PTPRQ: variants seen among roughly 807,000 people sequenced by gnomAD.
PTPRQ encodes the protein phosphatidylinositol phosphatase PTPRQ.
Under a neutral mutation model 246.0 loss-of-function variants are expected in PTPRQ, and 199 were observed. The observed-to-expected ratio is 0.81, with a 90% CI of 0.72 to 0.91. The LOEUF (loss-of-function observed/expected upper bound fraction) is 0.91. Among genes scored for constraint, PTPRQ ranks in the 40% least tolerant of loss-of-function variants. The probability of loss-of-function intolerance (pLI) is 0.00; values close to 1 mark genes in which losing one functional copy is unlikely to be tolerated. For missense variants in PTPRQ, 2,624 were observed against 2,528.4 expected (o/e 1.04, Z -0.81); for synonymous variants, 869 against 853.2 (o/e 1.02, Z -0.32).
intron 8 of PTPRQ, among the ~76,000 whole-genome samples, chr12:80,479,937 C>G (rs1249428383): frequency 6.6e-6 from 1 of 151,550 alleles, no homozygotes; most frequent in South Asian, 2.1e-4. Flanking sequence ...GACTTTAACA[C>G]CCCACTGTCA....
chr12:80,638,492 A>G (rs1899739814), intron 35 of PTPRQ, among the ~76,000 whole-genome samples: 1 of 152,198 alleles, frequency 6.6e-6, no homozygotes, highest in Non-Finnish European at 1.5e-5. Context: ...AGGCAAAAAT[A>G]AAACAAAAAA....
intron 25 of PTPRQ, among the ~76,000 whole-genome samples, chr12:80,571,506 C>G (rs936471658): frequency 6.6e-6 from 1 of 152,160 alleles, no homozygotes; most frequent in Non-Finnish European, 1.5e-5. Flanking sequence ...TTTCTGTTTT[C>G]TTAATGGCAC....
chr12:80,465,693 G>C (rs1893375229), intron 6 of PTPRQ, among the ~76,000 whole-genome samples: 1 of 152,034 alleles, frequency 6.6e-6, no homozygotes, highest in African/African-American at 2.4e-5. Flanking sequence ...ATGCAAGGCT[G>C]GTTCAATATA....
intron 33 of PTPRQ, among the ~76,000 whole-genome samples, chr12:80,630,597 T>C (rs1899391513): frequency 6.6e-6 from 1 of 152,208 alleles, no homozygotes; most frequent in Admixed American, 6.5e-5. Flanking sequence ...GTATAATCTA[T>C]ACAGCGATAT....
chr12:80,449,180 G>T (rs1892657523), intron 3 of PTPRQ, among the ~76,000 whole-genome samples: 1 of 151,374 alleles, frequency 6.6e-6, no homozygotes, highest in Non-Finnish European at 1.5e-5. Flanking sequence ...CTTCTTTTGA[G>T]AAGTGTCTGT....
chr12:80,644,140 A>G (rs889714712), intron 35 of PTPRQ, among the ~76,000 whole-genome samples: 1 of 152,184 alleles, frequency 6.6e-6, no homozygotes. Context: ...ATGGTCTTCA[A>G]TCACCACTGC....
Position 80,495,267 on chromosome 12 carries a change from A to G in PTPRQ, c.1778A>G (p.Glu593Gly), listed in dbSNP as rs1261321277. 2 of 1,546,426 alleles carry G rather than the reference A, an allele frequency of 1.3e-6. No homozygotes were observed. Among genetic ancestry groups the G allele is most frequent in the Non-Finnish European group, 8.7e-7 (1 of 1,145,414 alleles). ...SSILLYWDPP[E>G]YPNGKITHYT... ...ATTTTGTTATATTGGGATCCTCCAG[A>G]ATATCCCAATGGAAAAATAACTCAC... is the stretch of plus-strand genomic sequence containing the variant. The change falls in exon 12 of 45, where the codon GAA becomes GGA. Residue 593 changes from glutamate (E) to glycine (G), a missense_variant. By Grantham distance (98) the Glu-to-Gly change is moderately conservative. Transcript: ENST00000644991.
Position 80,534,008 on chromosome 12 carries a change from A to G in PTPRQ, c.2679-7A>G, listed in dbSNP as rs1895915871. 5 of 1,464,004 alleles carry G rather than the reference A, an allele frequency of 3.4e-6. No homozygotes were observed. Among genetic ancestry groups the G allele is most frequent in the Non-Finnish European group, 4.5e-6 (5 of 1,108,586 alleles). 90.7% of individuals were successfully genotyped at this position (1,464,004 alleles called of 1,614,324 possible). ...CAATTCTACAGATAATATTCTTTTT[A>G]TCTCAGGAATAGATCATCATTAAAA... On this transcript the variant is annotated splice_region_variant and splice_polypyrimidine_tract_variant and intron_variant, in intron 17 of 44. Transcript: ENST00000644991.
At position 80,480,046 on chromosome 12, in the gene PTPRQ, C is replaced by G. The variant is rs1457082412; in HGVS notation, c.1187-4387C>G. 2.0e-5 allele frequency among the ~76,000 whole-genome samples: 3 copies of G among 151,870 alleles called. No individual in the cohort carries two copies. The East Asian group carries it at 5.8e-4, about 29-fold the overall frequency. ...ACCTAATAGACATCTACAGAACTCTCCACCCCAAATCAAGAGAATATACAT... is the reference window on the plus strand; with the variant it reads ...ACCTAATAGACATCTACAGAACTCTGCACCCCAAATCAAGAGAATATACAT... On this transcript the variant is annotated intron_variant, in intron 8 of 44. Transcript: ENST00000644991.
chr12:80,515,277 T>C (rs1002782631), intron 17 of PTPRQ, among the ~76,000 whole-genome samples: 10 of 152,182 alleles, frequency 6.6e-5, no homozygotes, highest in Non-Finnish European at 1.0e-4. Context: ...CTTTGGTTCC[T>C]GTAAAGTACT....
rs767865138 is a variant in PTPRQ, at chr12:80,605,158, G to T, written c.4709G>T (p.Cys1570Phe). ...SEPAVITGPT[C>F]YLIDVKSVDN... ...CCTGCTGTCATTACTGGACCAACATGTTATCTGATTGATGTCAAATCGGTA... is the reference window on the plus strand; with the variant it reads ...CCTGCTGTCATTACTGGACCAACATTTTATCTGATTGATGTCAAATCGGTA... Residue 1570 changes from cysteine to phenylalanine, a missense_variant, in exon 27 of 45, where the codon TGT (cysteine) becomes TTT (phenylalanine). Transcript: ENST00000644991. 1.7e-5 allele frequency: 26 copies of T among 1,542,390 alleles called. No individual in the cohort carries two copies. Among genetic ancestry groups the T allele is most frequent in the Non-Finnish European group, 2.3e-5 (26 of 1,141,996 alleles).
intron 35 of PTPRQ, among the ~76,000 whole-genome samples, chr12:80,641,865 C>T (rs1185514462): frequency 1.4e-5 from 2 of 147,202 alleles, no homozygotes; most frequent in Non-Finnish European, 3.0e-5. Flanking sequence ...CTCTCTCTCA[C>T]TCTCTCTCTC....
chr12:80,549,529 G>A lies in PTPRQ; in HGVS notation c.4080G>A (p.Trp1360Ter). ...GCTGGCAGTCAGTTTTAGTGAAATGGGATCCACCCAAAAAGGCAAATGGAA... is the reference window on the plus strand; with the variant it reads ...GCTGGCAGTCAGTTTTAGTGAAATGAGATCCACCCAAAAAGGCAAATGGAA... ...ATSWQSVLVK[W>*]DPPKKANGII... Residue 1360 changes from tryptophan (W) to a stop codon, truncating the protein, a stop_gained, in exon 25 of 45, where the codon TGG becomes TGA. Coordinates refer to ENST00000644991, the MANE Select transcript of PTPRQ (RefSeq NM_001145026.2). LOFTEE classifies it high-confidence loss of function. 3 of 1,551,036 alleles carry A rather than the reference G, an allele frequency of 1.9e-6. No individual in the cohort carries two copies. The highest frequency in any genetic ancestry group is 2.4e-5 in the East Asian group (1 of 40,916).
intron 8 of PTPRQ, among the ~76,000 whole-genome samples, chr12:80,483,633 G>A (rs1894159473): frequency 1.3e-5 from 2 of 151,960 alleles, no homozygotes; most frequent in African/African-American, 4.8e-5. Flanking sequence ...TGTGCAGAAC[G>A]TATAGGTTTG....
intron 25 of PTPRQ, among the ~76,000 whole-genome samples, chr12:80,574,255 A>G (rs542651720): frequency 1.3e-5 from 2 of 152,032 alleles, no homozygotes; most frequent in East Asian, 1.9e-4. Flanking sequence ...ATCTTTTTCT[A>G]TTCTTACTTG....
intron 24 of PTPRQ, 39 bp from the exon 25 acceptor site, chr12:80,549,426 G>A: frequency 6.6e-7 from 1 of 1,508,258 alleles, no homozygotes; most frequent in Non-Finnish European, 8.9e-7. Context: ...ACTTACATAT[G>A]TATACACTTT....
chr12:80,466,541 A>T (rs1893422772), intron 6 of PTPRQ, among the ~76,000 whole-genome samples: 1 of 152,204 alleles, frequency 6.6e-6, no homozygotes, highest in African/African-American at 2.4e-5. Context: ...AGGAGCCCGC[A>T]TTGCCAAGTC....
intron 7 of PTPRQ, among the ~76,000 whole-genome samples, chr12:80,470,585 A>G (rs915747295): frequency 3.3e-5 from 5 of 152,194 alleles, no homozygotes; most frequent in African/African-American, 4.8e-5. Flanking sequence ...GAATAAAGTG[A>G]CATCAATTAA....
chr12:80,482,340 G>T (rs956591660), intron 8 of PTPRQ, among the ~76,000 whole-genome samples: 1 of 151,854 alleles, frequency 6.6e-6, no homozygotes, highest in Non-Finnish European at 1.5e-5. Context: ...AGCTGAAACT[G>T]GATCCCTTCC....
Sources: allele counts gnomAD v4.1 joint callset (sites outside exome capture counted in the v4.1 genomes callset), GRCh38; gene constraint gnomAD v4.1.1; transcripts MANE v1.5; gene names NCBI Gene and HGNC (gene_info 2026-07-23, HGNC 2026-07-21).